The following PIK3CD variants were observed in gnomAD, a reference collection of about 807,000 sequenced individuals.
PIK3CD encodes the protein phosphatidylinositol 4,5-bisphosphate 3-kinase catalytic subunit delta isoform.
PIK3CD carries 20 observed loss-of-function variants against 122.9 expected under a neutral mutation model. That is an observed-to-expected ratio of 0.16 (90% confidence interval 0.11 to 0.24). PIK3CD has a LOEUF of 0.24. Among genes scored for constraint, PIK3CD ranks in the 10% least tolerant of loss-of-function variants. The pLI, the probability that PIK3CD is intolerant of heterozygous loss-of-function variation, is 1.00. For synonymous variants in PIK3CD, 596 were observed against 593.4 expected, an observed-to-expected ratio of 1.00 and a Z score of -0.06; for missense variants, 787 against 1,406.3, an observed-to-expected ratio of 0.56 and a Z score of 7.04.
At chr1:9,653,414 C>A in intron 1 of PIK3CD, 1 of 221,038 alleles carries the variant, frequency 4.5e-6, no homozygotes, top group Non-Finnish European at 9.2e-6. Context: ...ACTCACCAAC[C>A]CACACAGTTT....
At position 9,717,637 on chromosome 1, in the gene PIK3CD, T is replaced by C. The variant is rs1201071759; in HGVS notation, c.1020+11T>C. On this transcript the variant is annotated intron_variant, in intron 8 of 23. Coordinates refer to ENST00000377346, the MANE Select transcript of PIK3CD (RefSeq NM_005026.5). This position sits in a 1 kb window ranked among gnomAD's most constrained non-coding sequence, Gnocchi z 5.4. ...GACGAGCGGATGAAGGTGGGGCTCCTGGGATAGGTGGGAGAGACACTGTTT... is the reference window on the plus strand; with the variant it reads ...GACGAGCGGATGAAGGTGGGGCTCCCGGGATAGGTGGGAGAGACACTGTTT... The C allele has an allele frequency of 1.2e-6, 2 of 1,612,232 alleles. No individual in the cohort carries two copies. Among genetic ancestry groups the C allele is most frequent in the Non-Finnish European group, 1.7e-6 (2 of 1,178,538 alleles).
At chr1:9,645,020 CTTTTCTTTTT>C in the PIK3CD span, among the ~76,000 whole-genome samples, 3 of 120,724 alleles carry the variant, frequency 2.5e-5, no homozygotes, top group African/African-American at 1.1e-4. Context: ...CTTTTCTTTT[CTTTTCTTTTT>C]TTTTTTTTTT....
chr1:9,687,976 G>A lies in PIK3CD; in HGVS notation c.-137-3491G>A, dbSNP rs547657964. ...GGCTGCCGGGTGCTGGGAGGACGCAGAGGCCGCCGAGGGCGGAGGGAAGCG... is the reference window on the plus strand; with the variant it reads ...GGCTGCCGGGTGCTGGGAGGACGCAAAGGCCGCCGAGGGCGGAGGGAAGCG... On this transcript the variant is annotated intron_variant, in intron 1 of 23. Coordinates refer to ENST00000377346, the MANE Select transcript of PIK3CD (RefSeq NM_005026.5). 4.6e-5 allele frequency among the ~76,000 whole-genome samples: 7 copies of A among 152,298 alleles called. No homozygotes were observed. In the South Asian group the frequency reaches 1.0e-3, roughly 23 times the overall value.
chr1:9,643,468 G>A, the PIK3CD span, among the ~76,000 whole-genome samples: 1 of 94,884 alleles, frequency 1.1e-5, no homozygotes, highest in South Asian at 5.0e-4. Context: ...GGGAGGGAGG[G>A]AAGGAAGGGA....
chr1:9,646,388 G>A, the PIK3CD span, among the ~76,000 whole-genome samples: 3 of 152,316 alleles, frequency 2.0e-5, no homozygotes, highest in East Asian at 1.9e-4. Context: ...TGCACATCAC[G>A]AGGCAGAAAC....
intron 1 of PIK3CD, among the ~76,000 whole-genome samples, chr1:9,681,654 C>G (rs4420084): frequency 0.58 from 88,107 of 151,848 alleles, 26,911 homozygotes; most frequent in African/African-American, 0.79. Context: ...TGCTCGCCTC[C>G]CCGCCTCGGG....
upstream of PIK3CD, among the ~76,000 whole-genome samples, chr1:9,646,910 G>A (rs1269023225): frequency 1.4e-5 from 2 of 147,336 alleles, no homozygotes; most frequent in Non-Finnish European, 3.0e-5. Flanking sequence ...AACCAAGATC[G>A]CACCACTGCA....
At chr1:9,679,045 C>T (rs890415323) in intron 1 of PIK3CD, among the ~76,000 whole-genome samples, 2 of 150,834 alleles carry the variant, frequency 1.3e-5, no homozygotes, top group Non-Finnish European at 2.9e-5. Flanking sequence ...AACCTTCTTT[C>T]CGGGTAGTCA....
intron 2 of PIK3CD, among the ~76,000 whole-genome samples, chr1:9,709,089 G>A (rs892293763): frequency 6.6e-6 from 1 of 151,912 alleles, no homozygotes; most frequent in Non-Finnish European, 1.5e-5. Context: ...GAGTGCAGTG[G>A]TGCGATCTCG....
rs1027356164 is a variant in PIK3CD at position 9,689,812 on chromosome 1, T to C, written c.-137-1655T>C. ...TCCCACCCCGCCCAGCCCCGGGCTT[T>C]GTCCGCCTGGGGCGGGGTGGGCAGG... On this transcript the variant is annotated intron_variant, in intron 1 of 23. Coordinates refer to ENST00000377346, the MANE Select transcript of PIK3CD (RefSeq NM_005026.5). This position sits in a 1 kb window ranked among gnomAD's most constrained non-coding sequence, Gnocchi z 6.1. Among the ~76,000 whole-genome samples the C allele has an allele frequency of 1.3e-5, 2 of 151,156 alleles. No homozygotes were observed. The highest frequency in any genetic ancestry group is 4.8e-5 in the African/African-American group (2 of 41,264).
intron 1 of PIK3CD, chr1:9,681,242 A>C (rs1320091211): frequency 6.6e-6 from 1 of 152,100 alleles, no homozygotes; most frequent in Non-Finnish European, 1.5e-5. Context: ...TTTTTCATTA[A>C]TTAATTAATT....
At chr1:9,693,960 G>C (rs144904362) in intron 2 of PIK3CD, among the ~76,000 whole-genome samples, 167 of 152,330 alleles carry the variant, frequency 1.1e-3, no homozygotes, top group African/African-American at 3.7e-3. Flanking sequence ...CACATAGCCA[G>C]ATGGTTCCCT....
chr1:9,661,867 G>A (rs990903603), intron 1 of PIK3CD, among the ~76,000 whole-genome samples: 13 of 151,878 alleles, frequency 8.6e-5, no homozygotes, highest in African/African-American at 2.9e-4. Context: ...TTGGTGGTGG[G>A]CACCTGTAGT....
At chr1:9,691,627 G>A (rs181632338) in intron 2 of PIK3CD, 56 bp downstream of exon 2, 1 of 398,166 alleles carries the variant, frequency 2.5e-6, no homozygotes, top group African/African-American at 2.1e-5. Context: ...ATGTTATTTT[G>A]TAGATAGGTT....
At position 9,716,603 on chromosome 1, in the gene PIK3CD, C is replaced by T. The variant is rs1647494603; in HGVS notation, c.764C>T (p.Pro255Leu). 9 of 1,562,382 alleles carry T rather than the reference C, an allele frequency of 5.8e-6. No homozygotes were observed. In the South Asian group the frequency reaches 7.0e-5, roughly 12 times the overall value. The change falls in exon 6 of 24, where the codon CCG (proline) becomes CTG (leucine). Residue 255 changes from proline (P) to leucine (L), a missense_variant. By Grantham distance (98) the Pro-to-Leu change is moderately conservative. This residue lies in a region of PIK3CD where 592 missense variants were observed against 920.6 expected (regional missense o/e 0.64). Coordinates refer to ENST00000377346, the MANE Select transcript of PIK3CD (RefSeq NM_005026.5). ...CATGAGTACCTGTATGGCAGCTACC[C>T]GCTCTGCCAGTTCCAGGTGAGGCCG... ...GRHEYLYGSY[P>L]LCQFQYICSC...
intron 1 of PIK3CD, among the ~76,000 whole-genome samples, chr1:9,655,449 C>G (rs534965548): frequency 7.0e-5 from 9 of 128,842 alleles, no homozygotes; most frequent in Non-Finnish European, 1.3e-4. Context: ...ACCCCCCGCC[C>G]CCCCCCCTTT....
chr1:9,702,029 C>A (rs1259188734), intron 2 of PIK3CD, among the ~76,000 whole-genome samples: 2 of 150,540 alleles, frequency 1.3e-5, no homozygotes, highest in Non-Finnish European at 2.9e-5. Context: ...GAGTCTCACT[C>A]TGTTGCCCAG....
chr1:9,721,490 A>G lies in PIK3CD; in HGVS notation c.1858A>G (p.Lys620Glu). 6.2e-7 allele frequency: 1 copy of G among 1,613,754 alleles called. No homozygotes were observed. Among genetic ancestry groups the G allele is most frequent in the Non-Finnish European group, 8.5e-7 (1 of 1,179,994 alleles). ...CCTGCTGCAGCTGGTGCAGGTGCTCAAGTACGAGTCCTACCTGGACTGCGA... is the reference window on the plus strand; with the variant it reads ...CCTGCTGCAGCTGGTGCAGGTGCTCGAGTACGAGTCCTACCTGGACTGCGA... ...QYLLQLVQVL[K>E]YESYLDCELT... The change falls in exon 15 of 24, where the codon AAG becomes GAG. Residue 620 changes from lysine to glutamate, a missense_variant. Transcript: ENST00000377346.
chr1:9,653,874 G>T (rs1644754537), intron 1 of PIK3CD: 1 of 1,367,560 alleles, frequency 7.3e-7, no homozygotes, highest in South Asian at 1.1e-5. Context: ...TTCACAGAAT[G>T]ATGGAAGACA....
Sources: gnomAD v4.1 joint callset for allele counts (sites outside exome capture counted in the v4.1 genomes callset) on GRCh38, gnomAD v4.1.1 for gene constraint, gnomAD v4.1.1 regional missense constraint, Gnocchi (gnomAD v3.1) non-coding constraint, MANE v1.5 for transcripts, NCBI Gene and HGNC (gene_info 2026-07-23, HGNC 2026-07-21) for gene names.